Variants in PIAS2 observed in about 807,000 individuals in gnomAD.
The protein encoded by PIAS2 is protein inhibitor of activated STAT 2.
A neutral mutation model predicts 69.7 loss-of-function variants in PIAS2; 19 were observed. The observed-to-expected ratio is 0.27, with a 90% CI of 0.19 to 0.40. The LOEUF (loss-of-function observed/expected upper bound fraction) is 0.40, where lower values mean the gene tolerates loss of function less well. PIAS2 is among the 10% of genes least tolerant of loss of function. PIAS2 has a pLI of 1.00. For missense variants in PIAS2, 624 were observed against 757.0 expected, an observed-to-expected ratio of 0.82 and a Z score of 2.06; for synonymous variants, 261 against 263.2, an observed-to-expected ratio of 0.99 and a Z score of 0.08.
intron 9 of PIAS2, among the ~76,000 whole-genome samples, chr18:46,830,617 AAAAC>A (rs1444344532): frequency 1.3e-5 from 2 of 152,052 alleles, no homozygotes; most frequent in Non-Finnish European, 1.5e-5. Context: ...AACAAAGAAC[AAAAC>A]AAACAAATAG....
chr18:46,836,329 T>A, intron 9 of PIAS2, 28 bp downstream of exon 9: 1 of 1,577,164 alleles, frequency 6.3e-7, no homozygotes, highest in African/African-American at 1.3e-5. Context: ...TATTAGTCCA[T>A]ATCAGCTGTT....
At chr18:46,919,946 T>C (rs559562210), upstream of PIAS2, 98 of 615,500 alleles carry the variant, frequency 1.6e-4, no homozygotes, top group African/African-American at 1.2e-3. Context: ...TTTCGGGGAA[T>C]AGACGAATAG....
intron 5 of PIAS2, among the ~76,000 whole-genome samples, chr18:46,854,822 C>T (rs2047502076): frequency 2.0e-5 from 3 of 152,178 alleles, no homozygotes. Context: ...CTCTGCTTTT[C>T]CCCATGCCAT....
At chr18:46,851,006 T>C (rs578027888) in intron 5 of PIAS2, among the ~76,000 whole-genome samples, 1 of 152,302 alleles carries the variant, frequency 6.6e-6, no homozygotes, top group East Asian at 1.9e-4. Flanking sequence ...ATCATTATTC[T>C]TTCAGATGTC....
chr18:46,819,636 G>GT (rs1268800622), intron 12 of PIAS2, among the ~76,000 whole-genome samples: 2 of 151,842 alleles, frequency 1.3e-5, no homozygotes. Flanking sequence ...ACCTCACTAA[G>GT]GGGAGAAAAA....
intron 1 of PIAS2, among the ~76,000 whole-genome samples, chr18:46,895,392 C>T (rs575736987): frequency 6.6e-6 from 1 of 151,872 alleles, no homozygotes; most frequent in African/African-American, 2.4e-5. Context: ...TACCTCAGGA[C>T]GGACACGGTG....
At chr18:46,905,892 G>C (rs2056534037) in intron 1 of PIAS2, 1 of 151,856 alleles carries the variant, frequency 6.6e-6, no homozygotes, top group African/African-American at 2.4e-5. Context: ...GAAGAGAAAA[G>C]GTATATTTTT....
In PIAS2 at chr18:46,846,289, T is replaced by C. The variant is rs191296252; in HGVS notation, c.861+418A>G. On this transcript the variant is annotated intron_variant, in intron 6 of 13. Transcript: ENST00000585916. ...GGTTATCTGAAATATCAGTTGTTTA[T>C]AGAAAGGCTAGAACAGATTATTTCT... 2.0e-5 allele frequency among the ~76,000 whole-genome samples: 3 copies of C among 152,326 alleles called. No individual in the cohort carries two copies. The East Asian group carries it at 5.8e-4, about 29-fold the overall frequency.
chr18:46,826,423 G>A (rs1438413498), intron 11 of PIAS2, among the ~76,000 whole-genome samples: 1 of 152,146 alleles, frequency 6.6e-6, no homozygotes, highest in African/African-American at 2.4e-5. Flanking sequence ...AACAACTCAT[G>A]AGTCAGCATC....
At chr18:46,889,840 G>C (rs1479616687) in intron 2 of PIAS2, among the ~76,000 whole-genome samples, 1 of 152,220 alleles carries the variant, frequency 6.6e-6, no homozygotes. Flanking sequence ...CAATGGATAA[G>C]CAAAATGTGG....
chr18:46,877,836 T>C (rs2051497180), intron 2 of PIAS2, among the ~76,000 whole-genome samples: 1 of 152,220 alleles, frequency 6.6e-6, no homozygotes, highest in Non-Finnish European at 1.5e-5. Flanking sequence ...GTTTGAGTAC[T>C]CATTTTCCTT....
chr18:46,850,086 A>G lies in PIAS2; in HGVS notation c.727-3245T>C, dbSNP rs146119686. Among the ~76,000 whole-genome samples, 1,005 of 152,252 alleles carry G rather than the reference A, an allele frequency of 6.6e-3. 2 individuals are homozygous for G. The highest frequency in any genetic ancestry group is 0.011 in the Non-Finnish European group (737 of 68,008). On this transcript the variant is annotated intron_variant, in intron 5 of 13. Transcript: ENST00000585916. The stretch of plus-strand genomic sequence containing the variant: ...AAATTTCTTTTCCTGTTATCCTTTT[A>G]TTGTTGAAAATTTTAAACATATACA...
intron 10 of PIAS2, among the ~76,000 whole-genome samples, chr18:46,828,582 C>T (rs1367204208): frequency 6.6e-6 from 1 of 152,190 alleles, no homozygotes; most frequent in Non-Finnish European, 1.5e-5. Flanking sequence ...CAGATATTTC[C>T]ATTCTAGCAA....
chr18:46,882,770 A>T (rs1317734864), intron 2 of PIAS2, among the ~76,000 whole-genome samples: 1 of 152,238 alleles, frequency 6.6e-6, no homozygotes, highest in Non-Finnish European at 1.5e-5. Context: ...TTTCCAGGAA[A>T]TACTGTTAAG....
intron 2 of PIAS2, among the ~76,000 whole-genome samples, chr18:46,876,901 C>T (rs2051299423): frequency 1.3e-5 from 2 of 152,028 alleles, no homozygotes; most frequent in African/African-American, 2.4e-5. Context: ...GGGGTTTCAC[C>T]GTGTTAGCCA....
intron 1 of PIAS2, among the ~76,000 whole-genome samples, chr18:46,893,220 G>A (rs1054455619): frequency 1.4e-4 from 22 of 152,170 alleles, no homozygotes; most frequent in African/African-American, 4.8e-4. Flanking sequence ...CAAGTAATAC[G>A]ATGCATCTTT....
rs1599675182 is a variant in PIAS2, at chr18:46,846,940, C to T, written c.727-99G>A. The T allele has an allele frequency of 5.7e-6, 6 of 1,046,000 alleles. No homozygotes were observed. In the East Asian group the frequency reaches 1.7e-4, roughly 30 times the overall value. 64.8% of individuals were successfully genotyped at this position (1,046,000 alleles called of 1,614,324 possible). A position where few individuals can be genotyped will look rare whatever the true frequency, so the allele number is the denominator to read the frequency against. ...AGGATCCTGCCCAATTTCAGTTACA[C>T]TATTTTTATTTTAGCCTAAAAATCA... On this transcript the variant is annotated intron_variant, in intron 5 of 13. Transcript: ENST00000585916.
chr18:46,898,902 G>A (rs530664319), intron 1 of PIAS2, among the ~76,000 whole-genome samples: 4 of 152,000 alleles, frequency 2.6e-5, no homozygotes, highest in African/African-American at 9.6e-5. Flanking sequence ...GGCTGAGGCA[G>A]GAAAATTGCT....
intron 1 of PIAS2, 125 bp downstream of exon 1, chr18:46,917,197 C>A: frequency 7.9e-7 from 1 of 1,259,886 alleles, no homozygotes; most frequent in East Asian, 3.7e-5. Context: ...CGTCCGCGGG[C>A]CGGGGCTCAG....
Sources: gnomAD v4.1 joint callset for allele counts (sites outside exome capture counted in the v4.1 genomes callset) on GRCh38, gnomAD v4.1.1 for gene constraint, MANE v1.5 for transcripts, NCBI Gene and HGNC (gene_info 2026-07-23, HGNC 2026-07-21) for gene names.